Variants in P3H3 observed in about 807,000 individuals in gnomAD.
P3H3 encodes the protein gene rich cluster, B.
A neutral mutation model predicts 78.1 loss-of-function variants in P3H3; 64 were observed. That is an observed-to-expected ratio of 0.82 (90% CI 0.67 to 1.01). The LOEUF is 1.01. Among genes scored for constraint, P3H3 ranks in the 50% least tolerant of loss-of-function variants. P3H3 has a pLI of 0.00. For synonymous variants in P3H3, 425 were observed against 416.7 expected (o/e 1.02, Z -0.24); for missense variants, 975 against 982.2 (o/e 0.99, Z 0.10).
chr12:6,836,802 G>A (rs767262227), intron 9 of P3H3, among the ~76,000 whole-genome samples, 183 bp from the exon 10 acceptor site: 1 of 152,184 alleles, frequency 6.6e-6, no homozygotes, highest in Non-Finnish European at 1.5e-5. Flanking sequence ...AGGGACAATC[G>A]GACAGCCGTG....
rs1430307264 is a variant in P3H3, at chr12:6,828,807, G to T, written c.367G>T (p.Asp123Tyr). The change falls in exon 1 of 15, where the codon GAC becomes TAC. Residue 123 changes from aspartate (D) to tyrosine (Y), a missense_variant. Transcript: ENST00000290510. ...QLLRAALRRA[D>Y]CLTQCAARRL... ...TCTCCGTGCAGCGCTCCGCCGCGCA[G>T]ACTGCCTGACCCAGTGCGCAGCACG... 9.2e-5 allele frequency: 113 copies of T among 1,234,954 alleles called. No individual in the cohort carries two copies. Among genetic ancestry groups the T allele is most frequent in the Non-Finnish European group, 1.1e-4 (111 of 989,248 alleles). 76.5% of individuals were successfully genotyped at this position (1,234,954 alleles called of 1,614,324 possible). A position where few individuals can be genotyped will look rare whatever the true frequency, so the allele number is the denominator to read the frequency against.
chr12:6,835,775 C>G (rs1555122040), intron 9 of P3H3, among the ~76,000 whole-genome samples: 1 of 152,062 alleles, frequency 6.6e-6, no homozygotes, highest in African/African-American at 2.4e-5. Flanking sequence ...GTATGGTAGA[C>G]AGCTGTTGCA....
chr12:6,837,681 G>A (rs1156312132), intron 11 of P3H3, 51 bp from the exon 12 acceptor site: 1 of 1,583,216 alleles, frequency 6.3e-7, no homozygotes, highest in African/African-American at 1.4e-5. Context: ...CCACAGGGTG[G>A]CAGATGGGCA....
rs782591780 is a variant in P3H3, at chr12:6,833,577, T to C, written c.1213-15T>C. ...TGACCTTGGTGGGTGATGATGCTTT[T>C]CTGGACTGTCGCAGGACCCCTGGAC... is the stretch of plus-strand genomic sequence containing the variant. On this transcript the variant is annotated splice_polypyrimidine_tract_variant and intron_variant, in intron 6 of 14. Transcript: ENST00000290510. 2 of 1,613,690 alleles carry C rather than the reference T, an allele frequency of 1.2e-6. No individual in the cohort carries two copies. Among genetic ancestry groups the C allele is most frequent in the Non-Finnish European group, 1.7e-6 (2 of 1,179,656 alleles).
At chr12:6,835,083 A>C (rs1555121923) in intron 9 of P3H3, 1 of 152,306 alleles carries the variant, frequency 6.6e-6, no homozygotes. Flanking sequence ...GGAGAAGAGC[A>C]TGGTGCATTC....
At chr12:6,833,447 G>T in intron 6 of P3H3, 145 bp from the exon 7 acceptor site, 1 of 725,012 alleles carries the variant, frequency 1.4e-6, no homozygotes, top group Non-Finnish European at 2.4e-6. Context: ...ACTGCCCAGG[G>T]CTCCTGACAT....
intron 6 of P3H3, chr12:6,833,292 G>A: frequency 2.4e-6 from 1 of 410,710 alleles, no homozygotes; most frequent in East Asian, 4.3e-5. Flanking sequence ...ATTACAAAAT[G>A]AGCACTTTAA....
At chr12:6,835,306 G>A (rs1943485627) in intron 9 of P3H3, among the ~76,000 whole-genome samples, 1 of 152,178 alleles carries the variant, frequency 6.6e-6, no homozygotes, top group Admixed American at 6.5e-5. Flanking sequence ...TCACTGGCTG[G>A]GTGTGGTGGC....
At position 6,839,336 on chromosome 12, in the gene P3H3, G is replaced by A. The variant is rs376000118; in HGVS notation, c.2086G>A (p.Glu696Lys). 1 of 1,541,756 alleles carries A rather than the reference G, an allele frequency of 6.5e-7. No homozygotes were observed. The highest frequency in any genetic ancestry group is 8.8e-7 in the Non-Finnish European group (1 of 1,137,830). Reference sequence around the variant, plus strand: ...CAAAGAACTGCTGCAGGAGTCACAGGAGGAGGAGGAAGAGGAAGAGGAAGA... The same window carrying A: ...CAAAGAACTGCTGCAGGAGTCACAGAAGGAGGAGGAAGAGGAAGAGGAAGA... The part of the protein sequence containing the change: ...EAKELLQESQ[E>K]EEEEEEEEMP... Residue 696 changes from glutamate to lysine, a missense_variant, in exon 15 of 15, where the codon GAG becomes AAG. Transcript: ENST00000290510.
In P3H3 at chr12:6,833,950, C is replaced by T; in HGVS notation, c.1359C>T (p.Thr453=). The T allele has an allele frequency of 6.2e-7, 1 of 1,613,950 alleles. No individual in the cohort carries two copies. The highest frequency in any genetic ancestry group is 2.2e-5 in the East Asian group (1 of 44,890). The change falls in exon 9 of 15, where the codon ACC becomes ACT. Residue 453 remains threonine, a synonymous_variant. Coordinates refer to ENST00000290510, the MANE Select transcript of P3H3 (RefSeq NM_014262.5). ...WKDVLLLEGV[T]LTQDSRQLNG... is the part of the protein sequence containing the mutation. ...ATGTCCTTCTCCTGGAGGGTGTGAC[C>T]TTGACCCAGGATTCCAGGCAGCTGA... is the stretch of plus-strand genomic sequence containing the variant.
Position 6,831,858 on chromosome 12 carries a change from G to A in P3H3, c.1156G>A (p.Glu386Lys), listed in dbSNP as rs781905916. The stretch of plus-strand genomic sequence containing the variant: ...GCGCTTCATCCTCCGATCCCTGGGG[G>A]AGAAGAGGCAGCTCTACTATGCCAT... ...IQRFILRSLG[E>K]KRQLYYAMEH... Residue 386 changes from glutamate to lysine, a missense_variant, in exon 6 of 15, where the codon GAG (glutamate) becomes AAG (lysine). Transcript: ENST00000290510. This position sits in a 1 kb window ranked among gnomAD's most constrained non-coding sequence, Gnocchi z 4.6. The A allele has an allele frequency of 8.1e-6, 13 of 1,608,840 alleles. No individual in the cohort carries two copies. The South Asian group carries it at 1.0e-4, about 12-fold the overall frequency.
At chr12:6,836,266 T>C (rs782151930) in intron 9 of P3H3, among the ~76,000 whole-genome samples, 36 of 148,576 alleles carry the variant, frequency 2.4e-4, no homozygotes, top group African/African-American at 8.9e-4. Flanking sequence ...GTTAGACGGC[T>C]TGGGTGACTA....
Position 6,838,000 on chromosome 12 carries a change from G to A in P3H3, c.1872G>A (p.Leu624=). 1 of 1,608,504 alleles carries A rather than the reference G, an allele frequency of 6.2e-7. No homozygotes were observed. Among genetic ancestry groups the A allele is most frequent in the Non-Finnish European group, 8.5e-7 (1 of 1,177,310 alleles). Residue 624 remains leucine (L), a synonymous_variant, in exon 13 of 15, where the codon CTG becomes CTA. Coordinates refer to ENST00000290510, the MANE Select transcript of P3H3 (RefSeq NM_014262.5). The part of the protein sequence containing the change: ...YLNDDFQGGD[L]FFTEPNALTV... The stretch of plus-strand genomic sequence containing the variant: ...ACGATGACTTCCAGGGTGGGGACCT[G>A]TTCTTCACGGAGCCCAACGCCCTCA...
Position 6,833,355 on chromosome 12 carries a change from TGAATAAAGCTCTTA to T in P3H3, c.1213-231_1213-218del, listed in dbSNP as rs544999624. The T allele has an allele frequency of 2.6e-3, 1,416 of 551,202 alleles. 15 individuals are homozygous for T. The highest frequency in any genetic ancestry group is 0.024 in the African/African-American group (1,261 of 53,118). 34.1% of individuals were successfully genotyped at this position (551,202 alleles called of 1,614,324 possible). On this transcript the variant is annotated intron_variant, in intron 6 of 14. Transcript: ENST00000290510. The stretch of plus-strand genomic sequence containing the variant: ...CTTTAAAGGATAAATTCCATTTCCA[TGAATAAAGCTCTTA>T]GAATAGCCCCTAGCAGATAGTAAGT...
intron 6 of P3H3, among the ~76,000 whole-genome samples, chr12:6,832,397 G>C (rs1943458325): frequency 6.6e-6 from 1 of 152,058 alleles, no homozygotes; most frequent in South Asian, 2.1e-4. Context: ...TCTTTGTTGG[G>C]GCAGAGGGCA....
In P3H3 at chr12:6,829,720, G is replaced by A. The variant is rs1943426334; in HGVS notation, c.499-139G>A. On this transcript the variant is annotated intron_variant, in intron 1 of 14. Coordinates refer to ENST00000290510, the MANE Select transcript of P3H3 (RefSeq NM_014262.5). This position sits in a 1 kb window ranked among gnomAD's most constrained non-coding sequence, Gnocchi z 5.1. ...GGGATCTGCAGTTCGGGCGGTGGGCGGTTCTGATTGGCCAGTCTTCCATGA... is the reference window on the plus strand; with the variant it reads ...GGGATCTGCAGTTCGGGCGGTGGGCAGTTCTGATTGGCCAGTCTTCCATGA... 2 of 836,192 alleles carry A rather than the reference G, an allele frequency of 2.4e-6. No individual in the cohort carries two copies. The highest frequency in any genetic ancestry group is 4.9e-5 in the Admixed American group (2 of 41,138). 51.8% of individuals were successfully genotyped at this position (836,192 alleles called of 1,614,324 possible).
rs1555121256 is a variant in P3H3, at chr12:6,830,693, C to T, written c.908C>T (p.Thr303Ile). Residue 303 changes from threonine (T) to isoleucine (I), a missense_variant, in exon 4 of 15, where the codon ACA becomes ATA. Coordinates refer to ENST00000290510, the MANE Select transcript of P3H3 (RefSeq NM_014262.5). Reference sequence around the variant, plus strand: ...CAACGCTGTGTGGGGGAAACAGCCACACGCCCTGGTCGCAGCTTCCCTGTC... The same window carrying T: ...CAACGCTGTGTGGGGGAAACAGCCATACGCCCTGGTCGCAGCTTCCCTGTC... ...CRQRCVGETA[T>I]RPGRSFPVPD... 1 of 1,613,818 alleles carries T rather than the reference C, an allele frequency of 6.2e-7. No homozygotes were observed. Among genetic ancestry groups the T allele is most frequent in the Non-Finnish European group, 8.5e-7 (1 of 1,179,808 alleles).
rs1220014944 is a variant in P3H3, at chr12:6,829,239, C to T, written c.498+301C>T. ...CCTCTTCCTAGGAATGAAGCGGAGG[C>T]GGTGGGGGCGAAACCGGCTCTCGGA... On this transcript the variant is annotated intron_variant, in intron 1 of 14. Coordinates refer to ENST00000290510, the MANE Select transcript of P3H3 (RefSeq NM_014262.5). This position sits in a 1 kb window ranked among gnomAD's most constrained non-coding sequence, Gnocchi z 5.1. 3 of 336,172 alleles carry T rather than the reference C, an allele frequency of 8.9e-6. No homozygotes were observed. The highest frequency in any genetic ancestry group is 1.1e-5 in the Non-Finnish European group (2 of 186,682). The allele number at this position is 336,172 out of a possible 1,614,324, so 20.8% of individuals were successfully genotyped here. A position where few individuals can be genotyped will look rare whatever the true frequency, so the allele number is the denominator to read the frequency against.
chr12:6,838,742 C>T (rs1392530950), intron 13 of P3H3, among the ~76,000 whole-genome samples: 2 of 152,160 alleles, frequency 1.3e-5, no homozygotes, highest in Non-Finnish European at 2.9e-5. Flanking sequence ...ATCAGGGTAC[C>T]AGGGGTCAGG....
Sources: gnomAD v4.1 joint callset for allele counts (sites outside exome capture counted in the v4.1 genomes callset) on GRCh38, gnomAD v4.1.1 for gene constraint, Gnocchi (gnomAD v3.1) non-coding constraint, MANE v1.5 for transcripts, NCBI Gene and HGNC (gene_info 2026-07-23, HGNC 2026-07-21) for gene names.